SLC4A7: variants seen among roughly 807,000 people sequenced by gnomAD.
SLC4A7 encodes sodium bicarbonate cotransporter 3.
Under a neutral mutation model 137.6 loss-of-function variants are expected in SLC4A7, and 51 were observed. The observed-to-expected ratio is 0.37, with a 90% confidence interval of 0.30 to 0.47. The LOEUF (loss-of-function observed/expected upper bound fraction) is 0.47, where lower values mean the gene tolerates loss of function less well. Ranked by LOEUF, SLC4A7 falls within the 20% of genes least tolerant of loss-of-function variation. The pLI, the probability that SLC4A7 is intolerant of heterozygous loss-of-function variation, is 1.00. For synonymous variants in SLC4A7, 542 were observed against 518.6 expected (o/e 1.05, Z -0.61); for missense variants, 1,247 against 1,525.4 (o/e 0.82, Z 3.04).
At chr3:27,460,579 G>T (rs6797389) in intron 1 of SLC4A7, among the ~76,000 whole-genome samples, 27,682 of 152,086 alleles carry the variant, frequency 0.18, 2,925 homozygotes, top group Non-Finnish European at 0.25. Context: ...AAGTAAAGTA[G>T]ATCCCTCTAT....
At chr3:27,407,109 C>A (rs2053441626) in intron 13 of SLC4A7, among the ~76,000 whole-genome samples, 1 of 61,228 alleles carries the variant, frequency 1.6e-5, no homozygotes, top group South Asian at 8.9e-4. Context: ...CATATGAAGA[C>A]CTTTTTTTTT....
In SLC4A7 at chr3:27,484,205, C is replaced by T. The variant is rs1029892180; in HGVS notation, c.-79G>A. ...CTGCTTCTGCCGCTGCCCCTGCCGC[C>T]GCCGCCGAGCCCCCGGCGCGCGAGG... On this transcript the variant is annotated 5_prime_UTR_variant, in exon 1 of 26. Coordinates refer to ENST00000454389, the MANE Select transcript of SLC4A7 (RefSeq NM_001321103.2). The T allele has an allele frequency of 8.7e-7, 1 of 1,145,314 alleles. No homozygotes were observed. Among genetic ancestry groups the T allele is most frequent in the Non-Finnish European group, 1.1e-6 (1 of 909,528 alleles). The allele number at this position is 1,145,314 out of a possible 1,614,324, so 70.9% of individuals were successfully genotyped here. A position where few individuals can be genotyped will look rare whatever the true frequency, so the allele number is the denominator to read the frequency against.
At position 27,394,774 on chromosome 3, in the gene SLC4A7, A is replaced by G. The variant is rs549890434; in HGVS notation, c.2866-5T>C. 41 of 1,612,458 alleles carry G rather than the reference A, an allele frequency of 2.5e-5. No homozygotes were observed. In the South Asian group the frequency reaches 4.0e-4, roughly 16 times the overall value. On this transcript the variant is annotated splice_polypyrimidine_tract_variant and splice_region_variant and intron_variant, in intron 19 of 25. Transcript: ENST00000454389. ...AAGGTGATAGCCAGCTCCTTTCTGA[A>G]AAGTGAAATGAACATAAATATCTGT...
chr3:27,408,997 T>A (rs1319765463), intron 13 of SLC4A7, among the ~76,000 whole-genome samples: 1 of 152,146 alleles, frequency 6.6e-6, no homozygotes, highest in Non-Finnish European at 1.5e-5. Flanking sequence ...GGATATGAAG[T>A]AGCCCCACTG....
intron 2 of SLC4A7, among the ~76,000 whole-genome samples, chr3:27,450,031 G>A (rs969674786): frequency 3.9e-5 from 6 of 151,984 alleles, no homozygotes; most frequent in Non-Finnish European, 7.4e-5. Flanking sequence ...GCCATTTTTC[G>A]GACAGGCACA....
chr3:27,397,787 G>T lies in SLC4A7; in HGVS notation c.2600C>A (p.Thr867Lys). The T allele has an allele frequency of 1.9e-6, 3 of 1,587,770 alleles. No individual in the cohort carries two copies. Among genetic ancestry groups the T allele is most frequent in the Non-Finnish European group, 2.6e-6 (3 of 1,158,392 alleles). Residue 867 changes from threonine (T) to lysine (K), a missense_variant, in exon 18 of 26, where the codon ACA (threonine) becomes AAA (lysine). Physicochemically the swap from Thr to Lys is moderately conservative, Grantham distance 78. Coordinates refer to ENST00000454389, the MANE Select transcript of SLC4A7 (RefSeq NM_001321103.2). Reference protein sequence around the residue: ...KRYFPTKVRSTISDFAVFLTI... With the variant: ...KRYFPTKVRSKISDFAVFLTI... The stretch of plus-strand genomic sequence containing the variant: ...GAGAAATACAGCAAAATCACTGATT[G>T]TCGATCGCACCTATGTTAAAGGGAT...
At chr3:27,446,886 T>G (rs200979940) in intron 3 of SLC4A7, among the ~76,000 whole-genome samples, 2 of 34,122 alleles carry the variant, frequency 5.9e-5, no homozygotes, top group South Asian at 1.7e-3. Context: ...TTTTTTTTTG[T>G]TTTTTTTGTT....
chr3:27,462,153 T>C (rs1056668246), intron 1 of SLC4A7, among the ~76,000 whole-genome samples: 1 of 152,194 alleles, frequency 6.6e-6, no homozygotes, highest in African/African-American at 2.4e-5. Context: ...CATTTAAAAC[T>C]AGTAAAGATA....
At chr3:27,404,721 A>T in intron 14 of SLC4A7, 109 bp downstream of exon 14, 1 of 814,274 alleles carries the variant, frequency 1.2e-6, no homozygotes, top group Non-Finnish European at 1.9e-6. Flanking sequence ...AAATAATGAG[A>T]ATGCATATAT....
chr3:27,427,347 A>G (rs2055748656), intron 7 of SLC4A7, among the ~76,000 whole-genome samples: 1 of 151,544 alleles, frequency 6.6e-6, no homozygotes. Context: ...CCTAGAGATG[A>G]GGGTCTCACT....
chr3:27,430,396 G>A (rs1461257905), intron 7 of SLC4A7, among the ~76,000 whole-genome samples: 3 of 151,872 alleles, frequency 2.0e-5, no homozygotes, highest in African/African-American at 7.3e-5. Flanking sequence ...GCCAAGGTGG[G>A]TGGATCACTT....
chr3:27,381,282 G>A (rs1576062742), intron 24 of SLC4A7, among the ~76,000 whole-genome samples: 1 of 152,148 alleles, frequency 6.6e-6, no homozygotes. Flanking sequence ...TAATTACACT[G>A]AAAAAGTGAT....
intron 1 of SLC4A7, among the ~76,000 whole-genome samples, chr3:27,466,620 G>A (rs968173941): frequency 6.6e-6 from 1 of 152,130 alleles, no homozygotes; most frequent in Non-Finnish European, 1.5e-5. Flanking sequence ...CTGAGGTCAG[G>A]AGTTCGAGAC....
intron 23 of SLC4A7, among the ~76,000 whole-genome samples, chr3:27,383,836 T>G (rs2150032882): frequency 6.6e-6 from 1 of 152,302 alleles, no homozygotes; most frequent in Middle Eastern, 3.4e-3. Flanking sequence ...GAGAGTTGTT[T>G]AATTCCCTCC....
rs546925924 is a variant in SLC4A7, at chr3:27,390,280, G to A, written c.3187-176C>T. 6.7e-6 allele frequency: 3 copies of A among 446,998 alleles called. 1 individual carries two copies. Among genetic ancestry groups the A allele is most frequent in the African/African-American group, 4.1e-5 (2 of 48,596 alleles). The allele number at this position is 446,998 out of a possible 1,614,324, so 27.7% of individuals were successfully genotyped here. A position where few individuals can be genotyped will look rare whatever the true frequency, so the allele number is the denominator to read the frequency against. On this transcript the variant is annotated intron_variant, in intron 21 of 25. Transcript: ENST00000454389. The stretch of plus-strand genomic sequence containing the variant: ...CTCTGGATCCAAAGTGGGGTCGGGT[G>A]GGGGAGGGTGGCAGGTGGGAACCAA...
At position 27,373,081 on chromosome 3, in the gene SLC4A7, A is replaced by AC. The variant is rs2049669754; in HGVS notation, c.*3682_*3683insG. On this transcript the variant is annotated 3_prime_UTR_variant, in exon 26 of 26. Coordinates refer to ENST00000454389, the MANE Select transcript of SLC4A7 (RefSeq NM_001321103.2). ...TCCCCCATGGGGAAGAAAAAAAAAA[A>AC]AAACCTTGAATAATAAAGCAACAAA... 6.6e-6 allele frequency: 1 copy of AC among 152,084 alleles called. No homozygotes were observed. The highest frequency in any genetic ancestry group is 1.5e-5 in the Non-Finnish European group (1 of 67,858). 9.4% of individuals were successfully genotyped at this position (152,084 alleles called of 1,614,324 possible). A position where few individuals can be genotyped will look rare whatever the true frequency, so the allele number is the denominator to read the frequency against.
chr3:27,444,036 C>G (rs12487909), intron 3 of SLC4A7, among the ~76,000 whole-genome samples: 23,563 of 152,084 alleles, frequency 0.15, 2,003 homozygotes, highest in South Asian at 0.27. Flanking sequence ...TCGTAGAGAA[C>G]GTATTCTGCT....
At chr3:27,448,107 G>T (rs1430253794) in intron 3 of SLC4A7, among the ~76,000 whole-genome samples, 2 of 151,300 alleles carry the variant, frequency 1.3e-5, no homozygotes, top group Non-Finnish European at 2.9e-5. Context: ...AGCTACTTGG[G>T]AGGCTGAGGC....
At chr3:27,393,710 G>T (rs2051829796) in intron 20 of SLC4A7, among the ~76,000 whole-genome samples, 1 of 152,110 alleles carries the variant, frequency 6.6e-6, no homozygotes, top group South Asian at 2.1e-4. Context: ...TTCCCAGAGG[G>T]TTTAAATTTC....
Sources: gnomAD v4.1 joint callset for allele counts (sites outside exome capture counted in the v4.1 genomes callset) on GRCh38, gnomAD v4.1.1 for gene constraint, MANE v1.5 for transcripts, NCBI Gene and HGNC (gene_info 2026-07-23, HGNC 2026-07-21) for gene names.